The following JMJD1C variants were observed in gnomAD, a reference collection of about 807,000 sequenced individuals.
The protein encoded by JMJD1C is jumonji domain containing 1C, also known as jumonji domain-containing protein 1C.
Under a neutral mutation model 245.3 loss-of-function variants are expected in JMJD1C, and 31 were observed. The observed-to-expected ratio is 0.13, with a 90% CI of 0.09 to 0.17. The LOEUF (loss-of-function observed/expected upper bound fraction) is 0.17. Ranked by LOEUF, JMJD1C falls within the 10% of genes least tolerant of loss-of-function variation. The pLI, the probability that JMJD1C is intolerant of heterozygous loss-of-function variation, is 1.00. For synonymous variants in JMJD1C, 1,057 were observed against 1,017.4 expected (o/e 1.04, Z -0.74); for missense variants, 2,691 against 3,000.2 (o/e 0.90, Z 2.41).
intron 1 of JMJD1C, among the ~76,000 whole-genome samples, chr10:63,518,653 A>G (rs1260608738): frequency 1.3e-5 from 2 of 152,250 alleles, no homozygotes; most frequent in Non-Finnish European, 2.9e-5. Flanking sequence ...TGCAAGATGG[A>G]GGTTCCAGGC....
chr10:63,513,885 C>G (rs914253109), intron 1 of JMJD1C, among the ~76,000 whole-genome samples: 1 of 151,918 alleles, frequency 6.6e-6, no homozygotes, highest in African/African-American at 2.4e-5. Context: ...TGCACTCCAG[C>G]CTGGGTGGCA....
Position 63,489,713 on chromosome 10 carries a change from T to C in JMJD1C, n.113+32025A>G, listed in dbSNP as rs151046716. 7.1e-3 allele frequency: 1,077 copies of C among 152,492 alleles called. 9 individuals carry two copies. The highest frequency in any genetic ancestry group is 0.027 in the South Asian group (131 of 4,832). 9.4% of individuals were successfully genotyped at this position (152,492 alleles called of 1,614,324 possible). On this transcript the variant is annotated intron_variant and non_coding_transcript_variant, in intron 1 of 3. Transcript: ENST00000633035. Reference sequence around the variant, plus strand: ...TTTTTAATAGAGACATATTTCACCATATTGGCCAGGCTGGTCTTGAACTTC... The same window carrying C: ...TTTTTAATAGAGACATATTTCACCACATTGGCCAGGCTGGTCTTGAACTTC...
rs576100526 is a variant in JMJD1C at position 63,181,374 on chromosome 10, T to C, written c.7084+2073A>G. Among the ~76,000 whole-genome samples, 6 of 152,308 alleles carry C rather than the reference T, an allele frequency of 3.9e-5. No individual in the cohort carries two copies. In the South Asian group the frequency reaches 6.2e-4, roughly 16 times the overall value. On this transcript the variant is annotated intron_variant, in intron 22 of 25. Transcript: ENST00000399262. Reference sequence around the variant, plus strand: ...ATAAAGAGAATGACTGGCTAGAGCATAGTAAGTTTACTTTCTTTAATGAAG... The same window carrying C: ...ATAAAGAGAATGACTGGCTAGAGCACAGTAAGTTTACTTTCTTTAATGAAG...
intron 2 of JMJD1C, among the ~76,000 whole-genome samples, chr10:63,311,402 T>C (rs1272141978): frequency 6.6e-6 from 1 of 151,632 alleles, no homozygotes; most frequent in Non-Finnish European, 1.5e-5. Flanking sequence ...ACAAAATAAA[T>C]AAACTCAGTA....
intron 2 of JMJD1C, among the ~76,000 whole-genome samples, chr10:63,272,986 C>T (rs1856474248): frequency 1.3e-5 from 2 of 152,154 alleles, no homozygotes; most frequent in South Asian, 4.1e-4. Context: ...CACAAATGTA[C>T]TAATTTTTAG....
chr10:63,213,078 C>A (rs183121532), intron 8 of JMJD1C, among the ~76,000 whole-genome samples: 1 of 149,782 alleles, frequency 6.7e-6, no homozygotes, highest in South Asian at 2.1e-4. Flanking sequence ...CCCAGCTACT[C>A]AGGAGGCTGA....
rs200927709 is a variant in JMJD1C at position 63,207,600 on chromosome 10, G to A, written c.4069C>T (p.Pro1357Ser). The A allele has an allele frequency of 8.1e-5, 131 of 1,613,984 alleles. No individual in the cohort carries two copies. In the Middle Eastern group the frequency reaches 9.9e-4, roughly 12 times the overall value. ...TGAACACTGTCTGAATTCACATTTG[G>A]CAAAATGATTCTTCCAGTTTCTCCG... The part of the protein sequence containing the change: ...EAGETGRIIL[P>S]NVNSDSVHTK... Residue 1357 changes from proline (P) to serine (S), a missense_variant, in exon 10 of 26, where the codon CCA (proline) becomes TCA (serine). Coordinates refer to ENST00000399262, the MANE Select transcript of JMJD1C (RefSeq NM_032776.3).
intron 1 of JMJD1C, among the ~76,000 whole-genome samples, chr10:63,445,316 G>A (rs922276429): frequency 6.6e-6 from 1 of 152,160 alleles, no homozygotes; most frequent in Non-Finnish European, 1.5e-5. Flanking sequence ...GAGGGAAGAG[G>A]TCAATTTTAG....
intron 22 of JMJD1C, among the ~76,000 whole-genome samples, chr10:63,179,790 A>G (rs1843255578): frequency 1.3e-5 from 2 of 151,984 alleles, no homozygotes; most frequent in African/African-American, 4.8e-5. Flanking sequence ...AAAGAAAAAA[A>G]AAAAAAAATC....
chr10:63,403,175 A>G (rs1253125209), intron 1 of JMJD1C, among the ~76,000 whole-genome samples: 1 of 152,228 alleles, frequency 6.6e-6, no homozygotes, highest in Non-Finnish European at 1.5e-5. Context: ...AGGAAAGCCA[A>G]GGGATGCCCA....
chr10:63,378,308 T>C (rs1325798206), intron 2 of JMJD1C, among the ~76,000 whole-genome samples: 3 of 152,064 alleles, frequency 2.0e-5, no homozygotes, highest in Non-Finnish European at 2.9e-5. Flanking sequence ...AGGGCAAAAA[T>C]TGGCTGGGCA....
chr10:63,273,359 T>C (rs954437425), intron 2 of JMJD1C, among the ~76,000 whole-genome samples: 1 of 152,198 alleles, frequency 6.6e-6, no homozygotes, highest in Non-Finnish European at 1.5e-5. Flanking sequence ...ATCTGGCTAA[T>C]ATAAATATAT....
intron 1 of JMJD1C, among the ~76,000 whole-genome samples, chr10:63,416,054 GC>G (rs1179078544): frequency 6.6e-6 from 1 of 152,078 alleles, no homozygotes; most frequent in African/African-American, 2.4e-5. Flanking sequence ...GCAGTATCCT[GC>G]CCTTAGCGAG....
At chr10:63,381,977 T>A (rs538679539) in intron 1 of JMJD1C, among the ~76,000 whole-genome samples, 1 of 152,138 alleles carries the variant, frequency 6.6e-6, no homozygotes, top group Non-Finnish European at 1.5e-5. Flanking sequence ...TTTGGGAAGC[T>A]AAGGCGGGTG....
At chr10:63,409,458 G>C (rs1949361660) in intron 1 of JMJD1C, among the ~76,000 whole-genome samples, 1 of 152,136 alleles carries the variant, frequency 6.6e-6, no homozygotes, top group South Asian at 2.1e-4. Context: ...GGACAGGTAG[G>C]CAGTAACGTG....
At position 63,373,877 on chromosome 10, in the gene JMJD1C, A is replaced by G. The variant is rs375145887; in HGVS notation, c.333+6441T>C. On this transcript the variant is annotated intron_variant, in intron 2 of 25. Transcript: ENST00000399262. ...AAAAGGAAACAATAAAATCTCAGTC[A>G]TATCAACTGTATATAAATGTTTGCA... Among the ~76,000 whole-genome samples the G allele has an allele frequency of 2.6e-5, 4 of 152,332 alleles. No individual in the cohort carries two copies. In the East Asian group the frequency reaches 5.8e-4, roughly 22 times the overall value.
intron 1 of JMJD1C, 102 bp downstream of exon 1, chr10:63,465,393 T>G: frequency 8.1e-7 from 1 of 1,233,582 alleles, no homozygotes; most frequent in South Asian, 1.5e-5. Flanking sequence ...TGACCGCCAG[T>G]TGGCCGGGCT....
intron 3 of JMJD1C, among the ~76,000 whole-genome samples, chr10:63,253,121 T>C (rs1169170614): frequency 6.6e-6 from 1 of 152,210 alleles, no homozygotes; most frequent in East Asian, 1.9e-4. Flanking sequence ...TGAGCAATCA[T>C]TTGAACAAAT....
chr10:63,216,850 TGAAAA>T (rs1218565040), intron 5 of JMJD1C, among the ~76,000 whole-genome samples: 1 of 152,176 alleles, frequency 6.6e-6, no homozygotes, highest in Non-Finnish European at 1.5e-5. Flanking sequence ...TTTTCACTGA[TGAAAA>T]GAAATGATTT....
Sources: gnomAD v4.1 joint callset for allele counts (sites outside exome capture counted in the v4.1 genomes callset) on GRCh38, gnomAD v4.1.1 for gene constraint, MANE v1.5 for transcripts, NCBI Gene and HGNC (gene_info 2026-07-23, HGNC 2026-07-21) for gene names.